The following ST6GALNAC3 variants were observed in gnomAD, a reference collection of about 807,000 sequenced individuals.
ST6GALNAC3 encodes the protein alpha-N-acetylgalactosaminide alpha-2,6-sialyltransferase 3.
A neutral mutation model predicts 32.7 loss-of-function variants in ST6GALNAC3; 25 were observed. The ratio of observed to expected loss-of-function variants is 0.76; its 90% CI spans 0.56 to 1.07. The LOEUF (loss-of-function observed/expected upper bound fraction) is 1.07. Ranked by LOEUF, ST6GALNAC3 falls within the 50% of genes least tolerant of loss-of-function variation. ST6GALNAC3 has a pLI of 0.00. For synonymous variants in ST6GALNAC3, 129 were observed against 133.1 expected (o/e 0.97, Z 0.21); for missense variants, 355 against 382.4 (o/e 0.93, Z 0.60).
chr1:76,452,071 A>G (rs1366143519), intron 3 of ST6GALNAC3, among the ~76,000 whole-genome samples: 2 of 151,944 alleles, frequency 1.3e-5, no homozygotes, highest in Non-Finnish European at 2.9e-5. Flanking sequence ...AGATGGTGAT[A>G]TGGTTTGGCT....
intron 3 of ST6GALNAC3, among the ~76,000 whole-genome samples, chr1:76,492,102 A>G (rs1660538622): frequency 6.6e-6 from 1 of 152,204 alleles, no homozygotes; most frequent in African/African-American, 2.4e-5. Flanking sequence ...AGACAAGTGA[A>G]GTAACCTGCA....
At position 76,626,298 on chromosome 1, in the gene ST6GALNAC3, T is replaced by C. The variant is rs897106385; in HGVS notation, c.624-1154T>C. Among the ~76,000 whole-genome samples, 3 of 151,894 alleles carry C rather than the reference T, an allele frequency of 2.0e-5. No individual in the cohort carries two copies. The East Asian group carries it at 5.8e-4, about 29-fold the overall frequency. The stretch of plus-strand genomic sequence containing the variant: ...TAGGCCAAGAAGTCTATATGGAAGA[T>C]AGACCATTTAATCTTTTTCAGAGGT... On this transcript the variant is annotated intron_variant, in intron 3 of 4. Transcript: ENST00000328299.
At chr1:76,515,667 A>G (rs1445356489) in intron 3 of ST6GALNAC3, among the ~76,000 whole-genome samples, 1 of 151,980 alleles carries the variant, frequency 6.6e-6, no homozygotes, top group Non-Finnish European at 1.5e-5. Flanking sequence ...CTACTTACCC[A>G]GTTGGTTACT....
intron 3 of ST6GALNAC3, among the ~76,000 whole-genome samples, chr1:76,625,423 A>T (rs1042607814): frequency 7.2e-5 from 11 of 151,924 alleles, no homozygotes; most frequent in African/African-American, 2.7e-4. Flanking sequence ...TCAGCCTGAT[A>T]ATGAAGAATA....
intron 1 of ST6GALNAC3, among the ~76,000 whole-genome samples, chr1:76,113,221 C>G (rs912641262): frequency 1.3e-5 from 2 of 151,860 alleles, no homozygotes; most frequent in African/African-American, 4.8e-5. Flanking sequence ...CGCCTGCAAT[C>G]GCAGGCACTC....
intron 2 of ST6GALNAC3, among the ~76,000 whole-genome samples, chr1:76,323,587 C>T (rs901420584): frequency 1.3e-5 from 2 of 152,082 alleles, no homozygotes; most frequent in Admixed American, 6.6e-5. Context: ...CTACATGCAA[C>T]GCACTGTGCT....
At chr1:76,614,718 CAAAAAAAAAAAAAAAAAA>C (rs55744575) in intron 3 of ST6GALNAC3, among the ~76,000 whole-genome samples, 12 of 67,522 alleles carry the variant, frequency 1.8e-4, no homozygotes, top group African/African-American at 6.1e-4. Flanking sequence ...GACTCCATCT[CAAAAAAAAAAAAAAAAAA>C]AAAAAAAAAA....
chr1:76,512,793 A>G (rs1661946602), intron 3 of ST6GALNAC3, among the ~76,000 whole-genome samples: 1 of 152,038 alleles, frequency 6.6e-6, no homozygotes, highest in African/African-American at 2.4e-5. Flanking sequence ...CTCTTTATTT[A>G]TATACACACA....
chr1:76,171,817 C>T (rs369778721), intron 1 of ST6GALNAC3, among the ~76,000 whole-genome samples: 2 of 133,030 alleles, frequency 1.5e-5, no homozygotes, highest in Non-Finnish European at 3.2e-5. Flanking sequence ...AAAACAACAA[C>T]AAAAAAAAAA....
intron 3 of ST6GALNAC3, among the ~76,000 whole-genome samples, chr1:76,439,184 C>T (rs1388860114): frequency 6.6e-6 from 1 of 152,102 alleles, no homozygotes; most frequent in Non-Finnish European, 1.5e-5. Flanking sequence ...AAACTGTTGT[C>T]CAGGATAAGT....
intron 3 of ST6GALNAC3, among the ~76,000 whole-genome samples, chr1:76,541,253 A>C (rs1663969375): frequency 6.6e-6 from 1 of 152,158 alleles, no homozygotes; most frequent in South Asian, 2.1e-4. Context: ...ATGAAAAGTA[A>C]GGAAACAATG....
chr1:76,140,578 C>A (rs1230478651), intron 1 of ST6GALNAC3, among the ~76,000 whole-genome samples: 3 of 151,606 alleles, frequency 2.0e-5, no homozygotes, highest in Non-Finnish European at 4.4e-5. Context: ...TCCCACAGAA[C>A]AGTAAAAACC....
chr1:76,395,197 C>G (rs1262635832), intron 2 of ST6GALNAC3, among the ~76,000 whole-genome samples: 2 of 97,314 alleles, frequency 2.1e-5, no homozygotes, highest in African/African-American at 6.3e-5. Flanking sequence ...CCCCAGCATA[C>G]CAGACCTAAC....
intron 1 of ST6GALNAC3, among the ~76,000 whole-genome samples, chr1:76,167,755 T>G (rs2100404979): frequency 6.6e-6 from 1 of 152,296 alleles, no homozygotes; most frequent in Non-Finnish European, 1.5e-5. Context: ...TTCTTCTAGA[T>G]TTTCTAGTTT....
intron 1 of ST6GALNAC3, among the ~76,000 whole-genome samples, chr1:76,290,045 C>A (rs189968517): frequency 4.3e-4 from 66 of 152,322 alleles, no homozygotes; most frequent in Admixed American, 1.2e-3. Context: ...ATCTCACAAG[C>A]ACTCTTTCTC....
intron 1 of ST6GALNAC3, among the ~76,000 whole-genome samples, chr1:76,142,449 T>C (rs1205249713): frequency 6.6e-6 from 1 of 152,132 alleles, no homozygotes; most frequent in Non-Finnish European, 1.5e-5. Flanking sequence ...CCATAGCTAA[T>C]TTTCCATTCT....
At chr1:76,285,128 G>C (rs186833746) in intron 1 of ST6GALNAC3, among the ~76,000 whole-genome samples, 1 of 152,268 alleles carries the variant, frequency 6.6e-6, no homozygotes, top group East Asian at 1.9e-4. Flanking sequence ...AGAATTCCTT[G>C]TGTCTAACCT....
chr1:76,585,856 C>T (rs990638108), intron 3 of ST6GALNAC3, among the ~76,000 whole-genome samples: 2 of 152,106 alleles, frequency 1.3e-5, no homozygotes, highest in African/African-American at 4.8e-5. Flanking sequence ...TTAGATTATG[C>T]ATCTCAAAGT....
intron 3 of ST6GALNAC3, among the ~76,000 whole-genome samples, chr1:76,414,701 C>T (rs1654496242): frequency 6.6e-6 from 1 of 152,022 alleles, no homozygotes; most frequent in Admixed American, 6.6e-5. Flanking sequence ...TATACCCCTA[C>T]ACACTTTCTC....
Sources: allele counts gnomAD v4.1 joint callset (sites outside exome capture counted in the v4.1 genomes callset), GRCh38; gene constraint gnomAD v4.1.1; transcripts MANE v1.5; gene names NCBI Gene and HGNC (gene_info 2026-07-23, HGNC 2026-07-21).